Variants in VILL observed in about 807,000 individuals in gnomAD.
VILL encodes the protein villin-like protein.
VILL carries 102 observed loss-of-function variants against 106.3 expected under a neutral mutation model. That is an observed-to-expected ratio of 0.96 (90% CI 0.82 to 1.13). VILL has a LOEUF of 1.13. Among genes scored for constraint, VILL ranks in the 50% most tolerant of loss-of-function variants. The probability of loss-of-function intolerance (pLI) is 0.00; values close to 1 mark genes in which losing one functional copy is unlikely to be tolerated. For missense variants in VILL, 1,076 were observed against 1,116.6 expected, an observed-to-expected ratio of 0.96 and a Z score of 0.52; for synonymous variants, 431 against 440.3, an observed-to-expected ratio of 0.98 and a Z score of 0.27.
At chr3:37,994,563 G>A (rs1028701398) in intron 4 of VILL, 97 bp downstream of exon 4, 56 of 1,432,336 alleles carry the variant, frequency 3.9e-5, no homozygotes, top group Non-Finnish European at 4.7e-6. Flanking sequence ...CCTGAATGGG[G>A]CAAGCCGGGA....
rs754210810 is a variant in VILL at position 38,003,364 on chromosome 3, C to T, written c.1805+51C>T. 2.7e-5 allele frequency: 41 copies of T among 1,533,074 alleles called. No homozygotes were observed. In the Middle Eastern group the frequency reaches 6.3e-4, roughly 23 times the overall value. 95.0% of individuals were successfully genotyped at this position (1,533,074 alleles called of 1,614,324 possible). Reference sequence around the variant, plus strand: ...CTTACCCAGAGGAGGAATTGAGGCCCAGAGAGGAGGGTGGGTGACTGGGAT... The same window carrying T: ...CTTACCCAGAGGAGGAATTGAGGCCTAGAGAGGAGGGTGGGTGACTGGGAT... On this transcript the variant is annotated intron_variant, in intron 15 of 19. Coordinates refer to ENST00000383759, the MANE Select transcript of VILL (RefSeq NM_015873.4).
rs201360084 is a variant in VILL, at chr3:37,998,131, C to T, written c.806C>T (p.Ala269Val). The T allele has an allele frequency of 3.5e-5, 56 of 1,613,310 alleles. No individual in the cohort carries two copies. The highest frequency in any genetic ancestry group is 1.3e-4 in the Admixed American group (8 of 59,922). The part of the protein sequence containing the change: ...KGKDLVVLEL[A>V]TPPLTQDLLQ... ...AAAGACCTGGTGGTCCTGGAGTTGGCGACCCCCCCACTGACCCAGGACCTG... is the reference window on the plus strand; with the variant it reads ...AAAGACCTGGTGGTCCTGGAGTTGGTGACCCCCCCACTGACCCAGGACCTG... The change falls in exon 8 of 20, where the codon GCG becomes GTG. Residue 269 changes from alanine to valine, a missense_variant. By Grantham distance (64) the Ala-to-Val change is moderately conservative. Coordinates refer to ENST00000383759, the MANE Select transcript of VILL (RefSeq NM_015873.4). The surrounding 1 kb of genome is among the most constrained non-coding windows in gnomAD (Gnocchi z 4.1).
rs1399848038 is a variant in VILL, at chr3:37,998,503, A to G, written c.942+139A>G. On this transcript the variant is annotated intron_variant, in intron 9 of 19. Transcript: ENST00000383759. This position sits in a 1 kb window ranked among gnomAD's most constrained non-coding sequence, Gnocchi z 4.1. ...TTGGGAAATCCTATGCTGGAGTCTT[A>G]AAGGGGAGGTAGCCCTGCCCTGGGA... 2 of 790,976 alleles carry G rather than the reference A, an allele frequency of 2.5e-6. No individual in the cohort carries two copies. The highest frequency in any genetic ancestry group is 4.0e-6 in the Non-Finnish European group (2 of 500,876). 49.0% of individuals were successfully genotyped at this position (790,976 alleles called of 1,614,324 possible).
At chr3:38,006,313 A>T in intron 18 of VILL, 61 bp downstream of exon 18, 1 of 1,612,800 alleles carries the variant, frequency 6.2e-7, no homozygotes, top group Non-Finnish European at 8.5e-7. Context: ...CATGGTCCTG[A>T]TGGGCAGGGG....
At chr3:38,002,643 TC>T in intron 14 of VILL, 68 bp downstream of exon 14, 1 of 1,540,148 alleles carries the variant, frequency 6.5e-7, no homozygotes, top group South Asian at 1.2e-5. Flanking sequence ...GTGGGTCCTC[TC>T]CACAGGGCAT....
At chr3:38,003,401 G>A in intron 15 of VILL, 88 bp downstream of exon 15, 1 of 1,451,928 alleles carries the variant, frequency 6.9e-7, no homozygotes. Context: ...CACACAGAGA[G>A]CTGGCAAGAC....
chr3:38,006,050 G>T (rs1372918878), intron 17 of VILL, 76 bp downstream of exon 17: 1 of 1,589,992 alleles, frequency 6.3e-7, no homozygotes, highest in Non-Finnish European at 8.6e-7. Context: ...ATGGAATGAG[G>T]AGGCACTGCC....
At position 38,005,905 on chromosome 3, in the gene VILL, G is replaced by A; in HGVS notation, c.2064G>A (p.Leu688=). 1.2e-6 allele frequency: 2 copies of A among 1,614,164 alleles called. No individual in the cohort carries two copies. Among genetic ancestry groups the A allele is most frequent in the Non-Finnish European group, 1.7e-6 (2 of 1,180,004 alleles). The change falls in exon 17 of 20, where the codon CTG becomes CTA. Residue 688 remains leucine, a synonymous_variant. Coordinates refer to ENST00000383759, the MANE Select transcript of VILL (RefSeq NM_015873.4). ...GGAGCCCGGCCACACCCATCGTGCTGGTCAAGCAGGGCCATGAGCCTCCCA... is the reference window on the plus strand; with the variant it reads ...GGAGCCCGGCCACACCCATCGTGCTAGTCAAGCAGGGCCATGAGCCTCCCA... The part of the protein sequence containing the change: ...AGRSPATPIV[L]VKQGHEPPTF...
At chr3:38,000,479 G>T (rs1461189470) in intron 11 of VILL, among the ~76,000 whole-genome samples, 1 of 151,826 alleles carries the variant, frequency 6.6e-6, no homozygotes, top group Non-Finnish European at 1.5e-5. Flanking sequence ...AGAGAGGGAG[G>T]GTCAGTGATA....
At chr3:38,003,433 C>T (rs530706810) in intron 15 of VILL, 120 bp downstream of exon 15, 1 of 1,287,586 alleles carries the variant, frequency 7.8e-7, no homozygotes, top group South Asian at 1.6e-5. Flanking sequence ...CAAGGACTCT[C>T]AGTTTCCCAC....
At chr3:38,001,143 G>A (rs1447226343) in intron 11 of VILL, 1 of 536,592 alleles carries the variant, frequency 1.9e-6, no homozygotes, top group Non-Finnish European at 3.5e-6. Context: ...CGAGCAGCTG[G>A]GAGGGGACTG....
At chr3:37,992,558 C>T (rs1171255867) in intron 1 of VILL, among the ~76,000 whole-genome samples, 1 of 152,168 alleles carries the variant, frequency 6.6e-6, no homozygotes, top group Non-Finnish European at 1.5e-5. Flanking sequence ...TGGGATCCCA[C>T]AGTAAACAAC....
At position 38,006,106 on chromosome 3, in the gene VILL, C is replaced by G. The variant is rs372812085; in HGVS notation, c.2134-75C>G. On this transcript the variant is annotated intron_variant, in intron 17 of 19. Transcript: ENST00000383759. ...TGTGCGAGAGACCTGGTCTTGTCCT[C>G]AGGCCCCTCATGTGTCCCATTGGTG... 3.0e-4 allele frequency: 479 copies of G among 1,608,212 alleles called. 1 individual carries two copies. In the African/African-American group the frequency reaches 5.6e-3, roughly 19 times the overall value.
chr3:38,002,867 A>C (rs528270191), intron 14 of VILL: 1 of 531,962 alleles, frequency 1.9e-6, no homozygotes, highest in African/African-American at 1.9e-5. Context: ...GGGGAGGCCT[A>C]TGCCAGTTTG....
rs2125533270 is a variant in VILL, at chr3:37,998,549, G to A, written c.942+185G>A. Among the ~76,000 whole-genome samples, 1 of 152,282 alleles carries A rather than the reference G, an allele frequency of 6.6e-6. No homozygotes were observed. Among genetic ancestry groups the A allele is most frequent in the South Asian group, 2.1e-4 (1 of 4,828 alleles). On this transcript the variant is annotated intron_variant, in intron 9 of 19. Transcript: ENST00000383759. This position sits in a 1 kb window ranked among gnomAD's most constrained non-coding sequence, Gnocchi z 4.1. ...TGGGAGCCCTGAGAGTAAAGACCAGGTGGCCTCTGAGAAACCATGTGTAAA... is the reference window on the plus strand; with the variant it reads ...TGGGAGCCCTGAGAGTAAAGACCAGATGGCCTCTGAGAAACCATGTGTAAA...
At chr3:37,996,546 A>G (rs1438747777) in intron 5 of VILL, among the ~76,000 whole-genome samples, 1 of 152,206 alleles carries the variant, frequency 6.6e-6, no homozygotes, top group East Asian at 1.9e-4. Context: ...GAGGTATGCA[A>G]GTGAGTCTGC....
Position 37,997,205 on chromosome 3 carries a change from G to A in VILL, c.561+18G>A, listed in dbSNP as rs1699718730. ...AGGCTCGGGTCAGTGTCTGCCCAAG[G>A]AACTGGGGAGTACGGGGCTTGGGCG... On this transcript the variant is annotated intron_variant, in intron 6 of 19. Coordinates refer to ENST00000383759, the MANE Select transcript of VILL (RefSeq NM_015873.4). This position sits in a 1 kb window ranked among gnomAD's most constrained non-coding sequence, Gnocchi z 4.7. 3 of 1,609,932 alleles carry A rather than the reference G, an allele frequency of 1.9e-6. No individual in the cohort carries two copies. Among genetic ancestry groups the A allele is most frequent in the African/African-American group, 1.3e-5 (1 of 74,968 alleles).
At chr3:38,002,118 G>C in intron 13 of VILL, 1 of 657,648 alleles carries the variant, frequency 1.5e-6, no homozygotes, top group Non-Finnish European at 2.6e-6. Flanking sequence ...TAGCAAACCT[G>C]GTCCCCACTT....
At chr3:37,988,348 CG>C (rs1251441893), upstream of VILL, 4 of 151,804 alleles carry the variant, frequency 2.6e-5, no homozygotes, top group Non-Finnish European at 5.9e-5. Context: ...GTGATGTGAG[CG>C]GGTTTATGGT....
Sources: allele counts gnomAD v4.1 joint callset (sites outside exome capture counted in the v4.1 genomes callset), GRCh38; gene constraint gnomAD v4.1.1; non-coding constraint Gnocchi (gnomAD v3.1); transcripts MANE v1.5; gene names NCBI Gene and HGNC (gene_info 2026-07-23, HGNC 2026-07-21).